Variants in APC observed in about 807,000 individuals in gnomAD.
APC encodes APC regulator of Wnt signaling pathway, also known as adenomatous polyposis coli protein.
In APC, 72 loss-of-function variants were observed where a neutral mutation model predicts 247.0. That is an observed-to-expected ratio of 0.29 (90% CI 0.24 to 0.35). The LOEUF (loss-of-function observed/expected upper bound fraction) is 0.35. Among genes scored for constraint, APC ranks in the 10% least tolerant of loss-of-function variants. The pLI is 1.00. For missense variants in APC, 3,400 were observed against 3,360.7 expected, an observed-to-expected ratio of 1.01 and a Z score of -0.29; for synonymous variants, 1,254 against 1,162.5, an observed-to-expected ratio of 1.08 and a Z score of -1.60.
intron 1 of APC, among the ~76,000 whole-genome samples, chr5:112,741,189 T>G (rs1752973925): frequency 6.6e-6 from 1 of 152,190 alleles, no homozygotes; most frequent in Non-Finnish European, 1.5e-5. Flanking sequence ...AAACTCATGG[T>G]AGAATTATGT....
intron 1 of APC, among the ~76,000 whole-genome samples, chr5:112,721,407 A>G (rs558168991): frequency 1.3e-5 from 2 of 152,312 alleles, no homozygotes; most frequent in East Asian, 3.9e-4. Context: ...GTGAGATTCC[A>G]TCTCAAAAAA....
Position 112,839,002 on chromosome 5 carries a change from A to G in APC, c.3408A>G (p.Glu1136=), listed in dbSNP as rs2149891302. 1 of 1,614,152 alleles carries G rather than the reference A, an allele frequency of 6.2e-7. No individual in the cohort carries two copies. ...CTTTGTGTCAAGAAGATGACTATGA[A>G]GATGATAAGCCTACCAATTATAGTG... ...SQSLCQEDDY[E]DDKPTNYSER... is the part of the protein sequence containing the mutation. The change falls in exon 16 of 16, where the codon GAA becomes GAG. Residue 1136 remains glutamate, a synonymous_variant. Coordinates refer to ENST00000257430, the MANE Select transcript of APC (RefSeq NM_000038.6). This position sits in a 1 kb window ranked among gnomAD's most constrained non-coding sequence, Gnocchi z 5.0.
Position 112,838,283 on chromosome 5 carries a change from A to G in APC, c.2689A>G (p.Ile897Val), listed in dbSNP as rs1391953704. The change falls in exon 16 of 16, where the codon ATT becomes GTT. Residue 897 changes from isoleucine (I) to valine (V), a missense_variant. Coordinates refer to ENST00000257430, the MANE Select transcript of APC (RefSeq NM_000038.6). ...CAAAGTCATGGAAGAAGTGTCAGCCATTCATACCTCTCAGGAAGACAGAAG... is the reference window on the plus strand; with the variant it reads ...CAAAGTCATGGAAGAAGTGTCAGCCGTTCATACCTCTCAGGAAGACAGAAG... ...IAKVMEEVSAIHTSQEDRSSG... is the reference protein window; with the variant it reads ...IAKVMEEVSAVHTSQEDRSSG... 2 of 1,614,120 alleles carry G rather than the reference A, an allele frequency of 1.2e-6. No homozygotes were observed. The highest frequency in any genetic ancestry group is 1.3e-5 in the African/African-American group (1 of 74,946).
At chr5:112,716,921 TAATC>T (rs1223630929) in intron 1 of APC, among the ~76,000 whole-genome samples, 2 of 152,238 alleles carry the variant, frequency 1.3e-5, no homozygotes, top group African/African-American at 2.4e-5. Context: ...AATCTAATGT[TAATC>T]AATACCTTTA....
intron 2 of APC, among the ~76,000 whole-genome samples, chr5:112,757,512 T>A (rs912167610): frequency 1.3e-5 from 2 of 152,016 alleles, no homozygotes; most frequent in Non-Finnish European, 2.9e-5. Flanking sequence ...GCAGAAAGAT[T>A]GTTTGAGCTC....
At chr5:112,712,373 G>T (rs1750904885) in intron 1 of APC, among the ~76,000 whole-genome samples, 1 of 151,956 alleles carries the variant, frequency 6.6e-6, no homozygotes, top group Admixed American at 6.6e-5. Context: ...CCTAGTGTGT[G>T]TGTGCACATA....
intron 1 of APC, among the ~76,000 whole-genome samples, chr5:112,747,505 C>T (rs1256559452): frequency 6.6e-6 from 1 of 152,102 alleles, no homozygotes; most frequent in Non-Finnish European, 1.5e-5. Flanking sequence ...ACACTCATGC[C>T]ATACACAGCA....
At chr5:112,816,052 A>G (rs1307910028) in intron 9 of APC, among the ~76,000 whole-genome samples, 1 of 152,262 alleles carries the variant, frequency 6.6e-6, no homozygotes. Flanking sequence ...TTCTGCAAGA[A>G]TACTGAGTTC....
intron 7 of APC, among the ~76,000 whole-genome samples, chr5:112,799,695 C>T (rs1760601933): frequency 6.6e-6 from 1 of 152,114 alleles, no homozygotes; most frequent in African/African-American, 2.4e-5. Context: ...GGCAAGAATG[C>T]CATCTAAGAA....
At chr5:112,716,501 A>G (rs1204477514) in intron 1 of APC, among the ~76,000 whole-genome samples, 1 of 151,956 alleles carries the variant, frequency 6.6e-6, no homozygotes, top group Non-Finnish European at 1.5e-5. Flanking sequence ...GGCCCAGTAT[A>G]TTGTCTTTTT....
intron 1 of APC, among the ~76,000 whole-genome samples, chr5:112,724,373 C>T (rs1473232900): frequency 6.6e-5 from 10 of 152,154 alleles, no homozygotes; most frequent in Non-Finnish European, 1.2e-4. Context: ...TAGGTATAGA[C>T]AGCTTCACAG....
intron 12 of APC, among the ~76,000 whole-genome samples, 169 bp downstream of exon 12, chr5:112,827,416 G>A (rs891749089): frequency 6.6e-6 from 1 of 151,802 alleles, no homozygotes; most frequent in South Asian, 2.1e-4. Context: ...TTTGTCTTAT[G>A]CCTAAACAAA....
At chr5:112,803,922 G>A (rs1424893867) in intron 8 of APC, among the ~76,000 whole-genome samples, 1 of 151,938 alleles carries the variant, frequency 6.6e-6, no homozygotes, top group Non-Finnish European at 1.5e-5. Context: ...ACCTTTCAGT[G>A]GCTACTCACC....
At chr5:112,756,818 C>A (rs973260914) in intron 2 of APC, among the ~76,000 whole-genome samples, 4 of 152,132 alleles carry the variant, frequency 2.6e-5, no homozygotes, top group African/African-American at 9.7e-5. Flanking sequence ...TGGTATAATA[C>A]AAGTTGAGTA....
chr5:112,740,067 CAG>C (rs139570604), intron 1 of APC, among the ~76,000 whole-genome samples: 7,501 of 152,062 alleles, frequency 0.049, 336 homozygotes, highest in East Asian at 0.13. Context: ...TAATATATAA[CAG>C]AGGTAATTTG....
rs753115404 is a variant in APC at position 112,815,469 on chromosome 5, C to A, written c.835-26C>A. ...GTATTTACCTATAGTCTAAATTATACCATCTATAATGTGCTTAATTTTTAG... is the reference window on the plus strand; with the variant it reads ...GTATTTACCTATAGTCTAAATTATAACATCTATAATGTGCTTAATTTTTAG... On this transcript the variant is annotated intron_variant, in intron 8 of 15. Coordinates refer to ENST00000257430, the MANE Select transcript of APC (RefSeq NM_000038.6). 5.2e-6 allele frequency: 8 copies of A among 1,534,208 alleles called. No individual in the cohort carries two copies. In the East Asian group the frequency reaches 1.1e-4, roughly 22 times the overall value.
chr5:112,819,177 G>T lies in APC; in HGVS notation c.1145G>T (p.Arg382Met), dbSNP rs772381494. ...CGGGGCAGTAAAGAGGCTCGGGCCA[G>T]GGCCAGTGCAGCACTCCACAACATC... Reference protein sequence around the residue: ...NSRGSKEARARASAALHNIIH... With the variant: ...NSRGSKEARAMASAALHNIIH... The change falls in exon 10 of 16, where the codon AGG becomes ATG. Residue 382 changes from arginine to methionine, a missense_variant. By Grantham distance (91) the Arg-to-Met change is moderately conservative. This residue lies in a region of APC where 199 missense variants were observed against 212.5 expected (regional missense o/e 0.94). Transcript: ENST00000257430. 6.2e-7 allele frequency: 1 copy of T among 1,613,990 alleles called. No individual in the cohort carries two copies. The highest frequency in any genetic ancestry group is 8.5e-7 in the Non-Finnish European group (1 of 1,179,974).
chr5:112,827,456 G>T (rs1042756638), intron 12 of APC, among the ~76,000 whole-genome samples: 3 of 152,130 alleles, frequency 2.0e-5, no homozygotes, highest in Admixed American at 1.3e-4. Context: ...ATGGAACACA[G>T]TAGTGAATTT....
rs768770215 is a variant in APC at position 112,842,045 on chromosome 5, A to G, written c.6451A>G (p.Thr2151Ala). Residue 2151 changes from threonine (T) to alanine (A), a missense_variant, in exon 16 of 16, where the codon ACA becomes GCA. By Grantham distance (58) the Thr-to-Ala change is moderately conservative (BLOSUM62 0). This residue lies in a region of APC where 1,788 missense variants were observed against 1,649.5 expected (regional missense o/e 1.08). Coordinates refer to ENST00000257430, the MANE Select transcript of APC (RefSeq NM_000038.6). ...CTCTCTGGGATCACCATTTCATCTTACACCTGATCAAGAAGAAAAACCCTT... is the reference window on the plus strand; with the variant it reads ...CTCTCTGGGATCACCATTTCATCTTGCACCTGATCAAGAAGAAAAACCCTT... ...GISLGSPFHL[T>A]PDQEEKPFTS... is the part of the protein sequence containing the mutation. The G allele has an allele frequency of 6.2e-7, 1 of 1,613,204 alleles. No individual in the cohort carries two copies. Among genetic ancestry groups the G allele is most frequent in the Non-Finnish European group, 8.5e-7 (1 of 1,179,182 alleles).
Sources: allele counts gnomAD v4.1 joint callset (sites outside exome capture counted in the v4.1 genomes callset), GRCh38; gene constraint gnomAD v4.1.1; regional missense constraint gnomAD v4.1.1; non-coding constraint Gnocchi (gnomAD v3.1); transcripts MANE v1.5; gene names NCBI Gene and HGNC (gene_info 2026-07-23, HGNC 2026-07-21).